Variants in STXBP5L observed in about 807,000 individuals in gnomAD.
STXBP5L encodes syntaxin binding protein 5L, also known as syntaxin-binding protein 5-like.
A neutral mutation model predicts 144.5 loss-of-function variants in STXBP5L; 65 were observed. The ratio of observed to expected loss-of-function variants is 0.45; its 90% CI spans 0.37 to 0.55. STXBP5L has a LOEUF of 0.55. Ranked by LOEUF, STXBP5L falls within the 20% of genes least tolerant of loss-of-function variation. The probability of loss-of-function intolerance (pLI) is 0.00; values close to 1 mark genes in which losing one functional copy is unlikely to be tolerated. For missense variants in STXBP5L, 1,298 were observed against 1,405.5 expected (o/e 0.92, Z 1.22); for synonymous variants, 505 against 469.6 (o/e 1.08, Z -0.97).
intron 4 of STXBP5L, among the ~76,000 whole-genome samples, chr3:121,044,114 A>C (rs536815435): frequency 7.2e-5 from 11 of 152,204 alleles, no homozygotes; most frequent in Non-Finnish European, 1.6e-4. Flanking sequence ...CATTGAAGGA[A>C]ATTATCTGAG....
chr3:120,951,837 T>C (rs943161402), intron 2 of STXBP5L, among the ~76,000 whole-genome samples: 3 of 152,118 alleles, frequency 2.0e-5, no homozygotes, highest in Non-Finnish European at 4.4e-5. Context: ...ATCATGCTGC[T>C]ATAAAGACAC....
chr3:121,319,138 G>A (rs1015850204), intron 20 of STXBP5L, among the ~76,000 whole-genome samples: 1 of 152,026 alleles, frequency 6.6e-6, no homozygotes, highest in Non-Finnish European at 1.5e-5. Flanking sequence ...GAATATGACT[G>A]GTTGGCCTGT....
chr3:120,979,119 C>G (rs1365188453), intron 3 of STXBP5L, among the ~76,000 whole-genome samples: 3 of 152,332 alleles, frequency 2.0e-5, no homozygotes, highest in Non-Finnish European at 4.4e-5. Context: ...TTACTGCTGT[C>G]TTTTTGTTTG....
At chr3:120,950,744 G>A (rs1400831311) in intron 2 of STXBP5L, among the ~76,000 whole-genome samples, 1 of 152,112 alleles carries the variant, frequency 6.6e-6, no homozygotes, top group Admixed American at 6.6e-5. Context: ...GTAATTTATA[G>A]ATTCAATGCC....
rs2047415970 is a variant in STXBP5L, at chr3:121,424,361, A to G, written c.*5264A>G. ...TCCAGTGCCCTGAAAGGGTGCTTAC[A>G]CCTTCAAAAAAGGAGAGTCCAGCCT... is the stretch of plus-strand genomic sequence containing the variant. On this transcript the variant is annotated 3_prime_UTR_variant, in exon 27 of 27. Coordinates refer to ENST00000471454, the MANE Select transcript of STXBP5L (RefSeq NM_001308330.2). 6.6e-6 allele frequency: 1 copy of G among 152,198 alleles called. No individual in the cohort carries two copies. The highest frequency in any genetic ancestry group is 1.5e-5 in the Non-Finnish European group (1 of 68,040). The allele number at this position is 152,198 out of a possible 1,614,324, so 9.4% of individuals were successfully genotyped here. A position where few individuals can be genotyped will look rare whatever the true frequency, so the allele number is the denominator to read the frequency against.
At position 121,235,540 on chromosome 3, in the gene STXBP5L, G is replaced by A. The variant is rs183146414; in HGVS notation, c.1184+1852G>A. 1.6e-3 allele frequency among the ~76,000 whole-genome samples: 245 copies of A among 151,838 alleles called. 1 individual carries two copies. Among genetic ancestry groups the A allele is most frequent in the Middle Eastern group, 6.8e-3 (2 of 294 alleles). ...TTCACTTTGTCAGGAGCCTATTATCGTTACCTCTTGCTATTATCAAATTCT... is the reference window on the plus strand; with the variant it reads ...TTCACTTTGTCAGGAGCCTATTATCATTACCTCTTGCTATTATCAAATTCT... On this transcript the variant is annotated intron_variant, in intron 12 of 26. Transcript: ENST00000471454.
intron 3 of STXBP5L, among the ~76,000 whole-genome samples, chr3:120,974,936 G>C (rs1303843033): frequency 4.6e-5 from 7 of 152,086 alleles, no homozygotes; most frequent in South Asian, 2.1e-4. Context: ...TGCTGTTTTG[G>C]TTACTTTAGC....
At chr3:121,082,492 T>A (rs1470013489) in intron 5 of STXBP5L, among the ~76,000 whole-genome samples, 1 of 152,242 alleles carries the variant, frequency 6.6e-6, no homozygotes, top group Non-Finnish European at 1.5e-5. Context: ...AGAGGCAGCT[T>A]TATCTGCTTG....
In STXBP5L at chr3:121,216,790, C is replaced by A. The variant is rs561465090; in HGVS notation, c.957-6213C>A. Among the ~76,000 whole-genome samples, 14 of 152,296 alleles carry A rather than the reference C, an allele frequency of 9.2e-5. No homozygotes were observed. The South Asian group carries it at 2.9e-3, about 32-fold the overall frequency. On this transcript the variant is annotated intron_variant, in intron 10 of 26. Transcript: ENST00000471454. The stretch of plus-strand genomic sequence containing the variant: ...CGGCTTAAGCTGCGCCCACAGCCAC[C>A]CCTCCGCCAGGTGCTCTGTCCAAGG...
chr3:121,244,875 T>C (rs183867389), intron 14 of STXBP5L, among the ~76,000 whole-genome samples: 2 of 152,168 alleles, frequency 1.3e-5, no homozygotes, highest in African/African-American at 2.4e-5. Context: ...GACCTCCCTA[T>C]ATAAACAAAA....
At chr3:121,386,805 C>T (rs746510840) in intron 22 of STXBP5L, among the ~76,000 whole-genome samples, 9 of 152,024 alleles carry the variant, frequency 5.9e-5, no homozygotes, top group Non-Finnish European at 1.0e-4. Flanking sequence ...AGTCTGTCAC[C>T]GATGGACATT....
At chr3:121,352,784 T>G (rs1390549793) in intron 20 of STXBP5L, among the ~76,000 whole-genome samples, 1 of 152,074 alleles carries the variant, frequency 6.6e-6, no homozygotes, top group East Asian at 1.9e-4. Flanking sequence ...ATGCTTCCAA[T>G]TTTTGCTCAT....
chr3:121,360,367 T>C (rs1184266769), intron 20 of STXBP5L, among the ~76,000 whole-genome samples: 1 of 151,984 alleles, frequency 6.6e-6, no homozygotes, highest in African/African-American at 2.4e-5. Context: ...TCTGTGTCTT[T>C]TGATTGAAGA....
chr3:121,163,361 G>T (rs1342099450), intron 9 of STXBP5L, among the ~76,000 whole-genome samples: 1 of 151,846 alleles, frequency 6.6e-6, no homozygotes, highest in South Asian at 2.1e-4. Flanking sequence ...CATAAGTGGG[G>T]AATTGAGCAG....
chr3:121,003,611 AC>A (rs1193382832), intron 3 of STXBP5L, among the ~76,000 whole-genome samples: 91 of 152,202 alleles, frequency 6.0e-4, no homozygotes, highest in African/African-American at 2.1e-3. Flanking sequence ...GGTGTTTTAG[AC>A]ATGAAGTCCT....
At chr3:121,179,565 G>C (rs1276085079) in intron 9 of STXBP5L, among the ~76,000 whole-genome samples, 2 of 152,102 alleles carry the variant, frequency 1.3e-5, no homozygotes, top group Admixed American at 1.3e-4. Flanking sequence ...TAGCTCTCCA[G>C]CAATGGATCC....
At chr3:121,310,349 G>T (rs185389874) in intron 19 of STXBP5L, among the ~76,000 whole-genome samples, 2 of 151,438 alleles carry the variant, frequency 1.3e-5, no homozygotes, top group East Asian at 3.9e-4. Flanking sequence ...AGTGGCTCAC[G>T]CCTGTACTCC....
Position 120,981,286 on chromosome 3 carries a change from C to G in STXBP5L, c.287+26249C>G, listed in dbSNP as rs530199349. On this transcript the variant is annotated intron_variant, in intron 3 of 26. Coordinates refer to ENST00000471454, the MANE Select transcript of STXBP5L (RefSeq NM_001308330.2). ...CAGGGAAGTTTTCCTAAATTATTCCCTCAATTTTTTTAATACTTTTTACAT... is the reference window on the plus strand; with the variant it reads ...CAGGGAAGTTTTCCTAAATTATTCCGTCAATTTTTTTAATACTTTTTACAT... 2.6e-5 allele frequency among the ~76,000 whole-genome samples: 4 copies of G among 152,232 alleles called. No homozygotes were observed. In the South Asian group the frequency reaches 6.2e-4, roughly 24 times the overall value.
chr3:121,363,317 GGACTCACCTAA>G (rs1385501046), intron 20 of STXBP5L, among the ~76,000 whole-genome samples: 1 of 152,072 alleles, frequency 6.6e-6, no homozygotes, highest in African/African-American at 2.4e-5. Flanking sequence ...TTCAGCACTA[GGACTCACCTAA>G]GAGTTGTAGT....
Sources: allele counts gnomAD v4.1 joint callset (sites outside exome capture counted in the v4.1 genomes callset), GRCh38; gene constraint gnomAD v4.1.1; transcripts MANE v1.5; gene names NCBI Gene and HGNC (gene_info 2026-07-23, HGNC 2026-07-21).